The following SMYD3 variants were observed in gnomAD, a reference collection of about 807,000 sequenced individuals.
The protein encoded by SMYD3 is histone-lysine N-methyltransferase SMYD3.
A neutral mutation model predicts 57.7 loss-of-function variants in SMYD3; 36 were observed. The ratio of observed to expected loss-of-function variants is 0.62; its 90% CI spans 0.48 to 0.82. The LOEUF is 0.82. Ranked by LOEUF, SMYD3 falls within the 40% of genes least tolerant of loss-of-function variation. The probability of loss-of-function intolerance (pLI) is 0.00; values close to 1 mark genes in which losing one functional copy is unlikely to be tolerated. For synonymous variants in SMYD3, 211 were observed against 195.0 expected (o/e 1.08, Z -0.68); for missense variants, 515 against 538.8 (o/e 0.96, Z 0.44).
intron 5 of SMYD3, among the ~76,000 whole-genome samples, chr1:246,050,793 G>A (rs1454558836): frequency 6.6e-6 from 1 of 152,194 alleles, no homozygotes; most frequent in Admixed American, 6.5e-5. Flanking sequence ...AAGAGGAGGT[G>A]TAAGTTTCAT....
At chr1:246,095,393 A>G (rs909333584) in intron 5 of SMYD3, among the ~76,000 whole-genome samples, 1 of 152,254 alleles carries the variant, frequency 6.6e-6, no homozygotes, top group Non-Finnish European at 1.5e-5. Flanking sequence ...AAGTGAGTGC[A>G]CACAGGGGCA....
intron 5 of SMYD3, among the ~76,000 whole-genome samples, chr1:246,307,958 G>A (rs973421607): frequency 3.9e-5 from 6 of 152,118 alleles, no homozygotes; most frequent in African/African-American, 1.2e-4. Flanking sequence ...AATGGTGACT[G>A]TTAAATTCTA....
chr1:246,296,206 G>A (rs989152127), intron 5 of SMYD3, among the ~76,000 whole-genome samples: 2 of 152,146 alleles, frequency 1.3e-5, no homozygotes, highest in African/African-American at 2.4e-5. Context: ...CCTCAGTCAC[G>A]CCCATGAAAA....
rs886478325 is a variant in SMYD3, at chr1:246,085,563, G to C, written c.532-155626C>G. ...TTATCTCCAAACATGCAGTGACATAGAGACCTGAACAAATAGGTCTTACTA... is the reference window on the plus strand; with the variant it reads ...TTATCTCCAAACATGCAGTGACATACAGACCTGAACAAATAGGTCTTACTA... On this transcript the variant is annotated intron_variant, in intron 5 of 11. Coordinates refer to ENST00000490107, the MANE Select transcript of SMYD3 (RefSeq NM_001167740.2). Among the ~76,000 whole-genome samples the C allele has an allele frequency of 5.3e-5, 8 of 152,114 alleles. 1 individual carries two copies. The highest frequency in any genetic ancestry group is 2.1e-4 in the South Asian group (1 of 4,822).
chr1:246,360,720 T>C (rs1035083958), intron 1 of SMYD3, among the ~76,000 whole-genome samples: 5 of 152,204 alleles, frequency 3.3e-5, no homozygotes, highest in East Asian at 1.9e-4. Context: ...ATTCAACAAA[T>C]AGTGCTGGGA....
chr1:246,229,294 C>T (rs1376955157), intron 5 of SMYD3, among the ~76,000 whole-genome samples: 1 of 151,650 alleles, frequency 6.6e-6, no homozygotes, highest in Non-Finnish European at 1.5e-5. Flanking sequence ...ATTTATCTTA[C>T]TAATTTTAAA....
chr1:246,481,298 A>G (rs1452052735), intron 1 of SMYD3, among the ~76,000 whole-genome samples: 1 of 151,918 alleles, frequency 6.6e-6, no homozygotes, highest in Admixed American at 6.6e-5. Context: ...TGGTGTGTCT[A>G]TGAGGGTTTT....
intron 5 of SMYD3, among the ~76,000 whole-genome samples, chr1:246,251,181 G>C (rs1220293634): frequency 6.6e-6 from 1 of 152,204 alleles, no homozygotes; most frequent in Non-Finnish European, 1.5e-5. Context: ...TTTGAGTTGG[G>C]AGCAGGGGTT....
chr1:246,447,961 G>A (rs1278703263), intron 1 of SMYD3, among the ~76,000 whole-genome samples: 2 of 152,176 alleles, frequency 1.3e-5, no homozygotes, highest in Non-Finnish European at 2.9e-5. Flanking sequence ...CTACATATGT[G>A]TATCTGTACG....
At position 246,441,077 on chromosome 1, in the gene SMYD3, TC is replaced by T. The variant is rs1572503921; in HGVS notation, c.164+65976del. ...TGACCCTTAATCTCTGTTTTGTGCGTCCCCACTTACCCTGCCGTTCGTAAGT... is the reference window on the plus strand; with the variant it reads ...TGACCCTTAATCTCTGTTTTGTGCGTCCCACTTACCCTGCCGTTCGTAAGT... On this transcript the variant is annotated intron_variant, in intron 1 of 11. Coordinates refer to ENST00000490107, the MANE Select transcript of SMYD3 (RefSeq NM_001167740.2). Among the ~76,000 whole-genome samples the T allele has an allele frequency of 5.3e-5, 8 of 152,172 alleles. No individual in the cohort carries two copies. The East Asian group carries it at 1.5e-3, about 29-fold the overall frequency.
chr1:246,182,530 A>G (rs1386314485), intron 5 of SMYD3, among the ~76,000 whole-genome samples: 5 of 152,168 alleles, frequency 3.3e-5, no homozygotes, highest in Non-Finnish European at 5.9e-5. Context: ...CCTCACCTAG[A>G]TATATGACTC....
intron 8 of SMYD3, among the ~76,000 whole-genome samples, chr1:245,897,882 C>G (rs1294540329): frequency 6.6e-6 from 1 of 150,770 alleles, no homozygotes; most frequent in African/African-American, 2.4e-5. Context: ...CTAGAAGACA[C>G]AGTGAGACTG....
At chr1:246,269,528 T>C (rs2064175218) in intron 5 of SMYD3, among the ~76,000 whole-genome samples, 1 of 139,182 alleles carries the variant, frequency 7.2e-6, no homozygotes, top group South Asian at 2.8e-4. Flanking sequence ...GTTTTCTTTC[T>C]GTTTCTTTTT....
intron 5 of SMYD3, among the ~76,000 whole-genome samples, chr1:246,143,310 ACAGTGTC>A (rs928861355): frequency 1.8e-4 from 28 of 152,304 alleles, no homozygotes; most frequent in African/African-American, 6.7e-4. Flanking sequence ...GTAAGTTTAA[ACAGTGTC>A]CTTGCAGTCT....
intron 5 of SMYD3, among the ~76,000 whole-genome samples, chr1:246,300,093 C>T (rs76078502): frequency 0.026 from 3,938 of 151,378 alleles, 79 homozygotes; most frequent in Non-Finnish European, 0.04. Context: ...AAAAATTATA[C>T]GTGGTATGCA....
chr1:246,104,344 C>T (rs2061077166), intron 5 of SMYD3, among the ~76,000 whole-genome samples: 1 of 152,180 alleles, frequency 6.6e-6, no homozygotes, highest in African/African-American at 2.4e-5. Flanking sequence ...TGAAACATCC[C>T]TGGTATACAA....
At chr1:245,921,405 C>T (rs888716458) in intron 7 of SMYD3, among the ~76,000 whole-genome samples, 3 of 152,080 alleles carry the variant, frequency 2.0e-5, no homozygotes, top group Non-Finnish European at 4.4e-5. Context: ...GCCAACAATC[C>T]CATTACTGGG....
At chr1:246,185,555 G>T (rs896813710) in intron 5 of SMYD3, among the ~76,000 whole-genome samples, 1 of 149,110 alleles carries the variant, frequency 6.7e-6, no homozygotes, top group Non-Finnish European at 1.5e-5. Context: ...TCCGCCTCCC[G>T]GGTTCAAGCC....
intron 10 of SMYD3, among the ~76,000 whole-genome samples, chr1:245,771,109 T>C (rs553276632): frequency 6.6e-6 from 1 of 151,880 alleles, no homozygotes; most frequent in African/African-American, 2.4e-5. Context: ...TATACATACA[T>C]ATATACACAT....
Sources: allele counts gnomAD v4.1 joint callset (sites outside exome capture counted in the v4.1 genomes callset), GRCh38; gene constraint gnomAD v4.1.1; transcripts MANE v1.5; gene names NCBI Gene and HGNC (gene_info 2026-07-23, HGNC 2026-07-21).